CSNK2A2: variants seen among roughly 807,000 people sequenced by gnomAD.
CSNK2A2 encodes the protein casein kinase II subunit alpha'.
A neutral mutation model predicts 54.0 loss-of-function variants in CSNK2A2; 8 were observed. That is an observed-to-expected ratio of 0.15 (90% CI 0.09 to 0.27). CSNK2A2 has a LOEUF of 0.27. Among genes scored for constraint, CSNK2A2 ranks in the 10% least tolerant of loss-of-function variants. CSNK2A2 has a pLI of 1.00. For missense variants in CSNK2A2, 242 were observed against 439.4 expected (o/e 0.55, Z 4.02); for synonymous variants, 141 against 153.9 (o/e 0.92, Z 0.62).
chr16:58,168,270 G>C (rs1190229068), intron 6 of CSNK2A2, among the ~76,000 whole-genome samples: 3 of 152,000 alleles, frequency 2.0e-5, no homozygotes, highest in Non-Finnish European at 4.4e-5. Context: ...AAAAATAGGA[G>C]GGACCCAAGT....
intron 2 of CSNK2A2, among the ~76,000 whole-genome samples, chr16:58,187,270 A>G (rs74628166): frequency 1.1e-3 from 167 of 152,170 alleles, no homozygotes; most frequent in Non-Finnish European, 2.0e-3. Flanking sequence ...AATGAGTTAC[A>G]TGTAATTTTG....
intron 2 of CSNK2A2, among the ~76,000 whole-genome samples, chr16:58,191,640 G>C (rs1205555604): frequency 1.3e-5 from 2 of 152,178 alleles, no homozygotes; most frequent in African/African-American, 4.8e-5. Context: ...TGGGATTACA[G>C]GCGTGAGGCA....
chr16:58,196,882 G>C (rs759401087), intron 1 of CSNK2A2, 38 bp from the exon 2 acceptor site: 22 of 1,350,014 alleles, frequency 1.6e-5, no homozygotes, highest in African/African-American at 4.3e-5. Context: ...GCCAGGACTG[G>C]GGGTTAACCA....
intron 4 of CSNK2A2, among the ~76,000 whole-genome samples, chr16:58,183,842 A>C (rs1364443611): frequency 6.6e-6 from 1 of 152,170 alleles, no homozygotes; most frequent in Non-Finnish European, 1.5e-5. Flanking sequence ...CACGTGCGCA[A>C]ACACACACTT....
chr16:58,171,101 T>C (rs2731753), intron 5 of CSNK2A2, among the ~76,000 whole-genome samples: 47,100 of 151,760 alleles, frequency 0.31, 7,869 homozygotes, highest in African/African-American at 0.42. Flanking sequence ...ACTAGACTCT[T>C]GAGGACACTT....
intron 11 of CSNK2A2, 89 bp from the exon 12 acceptor site, chr16:58,158,442 A>G (rs1320107193): frequency 2.6e-5 from 4 of 152,404 alleles, no homozygotes; most frequent in Non-Finnish European, 4.4e-5. Context: ...GGCCTGTGCT[A>G]GAATGCAAGC....
chr16:58,171,978 TA>T (rs1427926375), intron 5 of CSNK2A2, among the ~76,000 whole-genome samples: 4 of 36,746 alleles, frequency 1.1e-4, no homozygotes, highest in African/African-American at 4.1e-4. Flanking sequence ...TATATATATA[TA>T]TTTTTTTTTT....
intron 2 of CSNK2A2, among the ~76,000 whole-genome samples, chr16:58,195,843 C>T (rs924579963): frequency 1.3e-5 from 2 of 152,154 alleles, no homozygotes; most frequent in Non-Finnish European, 2.9e-5. Flanking sequence ...AGTAATTATA[C>T]ATGAACTCTT....
chr16:58,178,439 AG>A (rs1313966659), intron 4 of CSNK2A2, among the ~76,000 whole-genome samples: 1 of 151,788 alleles, frequency 6.6e-6, no homozygotes, highest in African/African-American at 2.4e-5. Context: ...CGTGCACCAT[AG>A]CCCGCCGAAT....
intron 2 of CSNK2A2, among the ~76,000 whole-genome samples, chr16:58,189,142 A>C (rs144611526): frequency 1.1e-4 from 17 of 152,090 alleles, no homozygotes; most frequent in Middle Eastern, 3.4e-3. Context: ...TATTTTTAGT[A>C]GAGACGGGGT....
rs540277671 is a variant in CSNK2A2, at chr16:58,188,993, G to A, written c.217-2137C>T. Among the ~76,000 whole-genome samples, 4 of 128,968 alleles carry A rather than the reference G, an allele frequency of 3.1e-5. No homozygotes were observed. In the South Asian group the frequency reaches 7.1e-4, roughly 23 times the overall value. The allele number at this position is 128,968 out of a possible 152,430, so 84.6% of individuals were successfully genotyped here. A position where few individuals can be genotyped will look rare whatever the true frequency, so the allele number is the denominator to read the frequency against. On this transcript the variant is annotated intron_variant, in intron 2 of 11. Transcript: ENST00000262506. ...TTTTTTTGAGACGGAGTCTCACTCC[G>A]TGGCCCAGGCTGGAGCACAGTGGCG...
At chr16:58,194,088 C>G (rs556697034) in intron 2 of CSNK2A2, among the ~76,000 whole-genome samples, 1 of 152,222 alleles carries the variant, frequency 6.6e-6, no homozygotes, top group East Asian at 1.9e-4. Context: ...ACGTTACTGA[C>G]TACAAAAGTA....
At chr16:58,182,373 CCAAAA>C (rs1962065159) in intron 4 of CSNK2A2, among the ~76,000 whole-genome samples, 2 of 12,850 alleles carry the variant, frequency 1.6e-4, no homozygotes, top group Admixed American at 8.9e-4. Flanking sequence ...ACTAAATATA[CCAAAA>C]AAAAAAAAAA....
At chr16:58,196,604 C>T in intron 2 of CSNK2A2, 129 bp downstream of exon 2, 1 of 698,814 alleles carries the variant, frequency 1.4e-6, no homozygotes, top group Non-Finnish European at 2.6e-6. Flanking sequence ...GAGTGAGACT[C>T]TGACTCTAAA....
chr16:58,167,628 C>G (rs1292188645), intron 7 of CSNK2A2, 57 bp downstream of exon 7: 2 of 1,323,628 alleles, frequency 1.5e-6, no homozygotes, highest in East Asian at 4.6e-5. Context: ...CAACAGCAAA[C>G]CAGAAAAGCC....
In CSNK2A2 at chr16:58,196,700, G is replaced by A. The variant is rs950625686; in HGVS notation, c.216+33C>T. 48 of 1,440,542 alleles carry A rather than the reference G, an allele frequency of 3.3e-5. 1 individual carries two copies. The East Asian group carries it at 1.1e-3, about 32-fold the overall frequency. 89.2% of individuals were successfully genotyped at this position (1,440,542 alleles called of 1,614,324 possible). ...TTACAAACTTTTGCCCTGTGGGGAG[G>A]AAAATGTTACATACCACTCATAGGA... On this transcript the variant is annotated intron_variant, in intron 2 of 11. Coordinates refer to ENST00000262506, the MANE Select transcript of CSNK2A2 (RefSeq NM_001896.4).
chr16:58,163,288 CAAA>C (rs941794989), intron 11 of CSNK2A2: 23 of 109,102 alleles, frequency 2.1e-4, no homozygotes, highest in Non-Finnish European at 4.0e-4. Flanking sequence ...GAAAAAGCAA[CAAA>C]AAAATAGCAA....
intron 4 of CSNK2A2, among the ~76,000 whole-genome samples, chr16:58,177,325 C>T (rs1961909520): frequency 6.6e-6 from 1 of 152,196 alleles, no homozygotes; most frequent in Non-Finnish European, 1.5e-5. Context: ...ACAGGGAGAA[C>T]ATTATTAAAC....
At chr16:58,182,403 A>C (rs1354127354) in intron 4 of CSNK2A2, among the ~76,000 whole-genome samples, 12 of 143,082 alleles carry the variant, frequency 8.4e-5, no homozygotes, top group Non-Finnish European at 1.7e-4. Flanking sequence ...AAAAAAAAAA[A>C]AACTAGCCAG....
Sources: gnomAD v4.1 joint callset for allele counts (sites outside exome capture counted in the v4.1 genomes callset) on GRCh38, gnomAD v4.1.1 for gene constraint, MANE v1.5 for transcripts, NCBI Gene and HGNC (gene_info 2026-07-23, HGNC 2026-07-21) for gene names.